The following WWOX variants were observed in gnomAD, a reference collection of about 807,000 sequenced individuals.
WWOX encodes the protein WW domain containing oxidoreductase.
In WWOX, 69 loss-of-function variants were observed where a neutral mutation model predicts 46.2. That is an observed-to-expected ratio of 1.49 (90% CI 1.23 to 1.82). WWOX has a LOEUF of 1.82. WWOX is among the 40% of genes most tolerant of loss of function. The probability of loss-of-function intolerance (pLI) is 0.00; values close to 1 mark genes in which losing one functional copy is unlikely to be tolerated. For missense variants in WWOX, 919 were observed against 542.6 expected (o/e 1.69, Z -6.89); for synonymous variants, 359 against 202.6 (o/e 1.77, Z -6.56).
intron 8 of WWOX, among the ~76,000 whole-genome samples, chr16:79,132,355 G>A (rs963033384): frequency 6.6e-6 from 1 of 152,128 alleles, no homozygotes; most frequent in Non-Finnish European, 1.5e-5. Flanking sequence ...ACTTCCGGTT[G>A]GTGGATTTTG....
intron 8 of WWOX, among the ~76,000 whole-genome samples, chr16:78,667,328 G>A (rs938702917): frequency 6.6e-6 from 1 of 152,060 alleles, no homozygotes; most frequent in African/African-American, 2.4e-5. Flanking sequence ...TATTGAATGG[G>A]TTATCTCAAT....
chr16:78,712,860 C>T (rs929743965), intron 8 of WWOX, among the ~76,000 whole-genome samples: 2 of 151,954 alleles, frequency 1.3e-5, no homozygotes, highest in Admixed American at 6.6e-5. Context: ...TTATTGTTGG[C>T]CGACTGTGGG....
chr16:78,878,351 T>C (rs2044274976), intron 8 of WWOX, among the ~76,000 whole-genome samples: 1 of 152,172 alleles, frequency 6.6e-6, no homozygotes, highest in Non-Finnish European at 1.5e-5. Flanking sequence ...CTGGGTTCAA[T>C]TCCTGCCCCT....
At chr16:79,143,965 C>T (rs1015801779) in intron 8 of WWOX, among the ~76,000 whole-genome samples, 5 of 152,158 alleles carry the variant, frequency 3.3e-5, no homozygotes, top group African/African-American at 4.8e-5. Context: ...AGTGCAGTGG[C>T]ACAGTCATAG....
At chr16:78,839,227 G>A (rs1597701504) in intron 8 of WWOX, among the ~76,000 whole-genome samples, 2 of 152,134 alleles carry the variant, frequency 1.3e-5, no homozygotes, top group Admixed American at 1.3e-4. Flanking sequence ...CCCAGAGAGA[G>A]TCACCTGCTC....
intron 8 of WWOX, among the ~76,000 whole-genome samples, chr16:78,908,539 C>CG (rs2045026204): frequency 4.6e-5 from 1 of 21,870 alleles, no homozygotes; most frequent in East Asian, 5.4e-3. Flanking sequence ...AACTCTGTCT[C>CG]GGAAAAAAAA....
intron 8 of WWOX, among the ~76,000 whole-genome samples, chr16:78,561,526 A>C (rs2151558698): frequency 6.6e-6 from 1 of 152,310 alleles, no homozygotes; most frequent in East Asian, 1.9e-4. Flanking sequence ...ATGCATGCGT[A>C]CACCATGGAC....
chr16:79,198,160 A>C (rs145125843), intron 8 of WWOX, among the ~76,000 whole-genome samples: 2,694 of 146,292 alleles, frequency 0.018, 88 homozygotes, highest in African/African-American at 0.069. Context: ...CCCCGTCTCT[A>C]CTAAAAAAAA....
rs1368647185 is a variant in WWOX, at chr16:78,349,130, C to T, written c.517-37730C>T. On this transcript the variant is annotated intron_variant, in intron 5 of 8. Coordinates refer to ENST00000566780, the MANE Select transcript of WWOX (RefSeq NM_016373.4). The stretch of plus-strand genomic sequence containing the variant: ...TGATGTCTTCTGAGGTCTACCTCGT[C>T]TGCTTGCAGACAGCCGCCTTCCCAC... Among the ~76,000 whole-genome samples, 4 of 120,984 alleles carry T rather than the reference C, an allele frequency of 3.3e-5. 1 individual carries two copies. The highest frequency in any genetic ancestry group is 1.9e-4 in the East Asian group (1 of 5,152). 79.4% of individuals were successfully genotyped at this position (120,984 alleles called of 152,430 possible). A position where few individuals can be genotyped will look rare whatever the true frequency, so the allele number is the denominator to read the frequency against.
chr16:78,263,353 C>T (rs543360929), intron 5 of WWOX, among the ~76,000 whole-genome samples: 6 of 152,304 alleles, frequency 3.9e-5, no homozygotes, highest in African/African-American at 1.4e-4. Flanking sequence ...AGGCCATCTC[C>T]GATTGGTCCA....
chr16:79,212,072 T>C lies in WWOX; in HGVS notation c.*276T>C. On this transcript the variant is annotated 3_prime_UTR_variant, in exon 9 of 9. Coordinates refer to ENST00000566780, the MANE Select transcript of WWOX (RefSeq NM_016373.4). The stretch of plus-strand genomic sequence containing the variant: ...AGTAAAAACCTGCTTGGTGTGTAGG[T>C]TCCGTATCTCCCTGGAGAAGCACCA... 1.3e-6 allele frequency: 2 copies of C among 1,536,414 alleles called. No individual in the cohort carries two copies. Among genetic ancestry groups the C allele is most frequent in the Non-Finnish European group, 1.7e-6 (2 of 1,146,906 alleles).
chr16:78,996,810 C>A (rs1471608838), intron 8 of WWOX, among the ~76,000 whole-genome samples: 1 of 152,200 alleles, frequency 6.6e-6, no homozygotes, highest in African/African-American at 2.4e-5. Flanking sequence ...AAAGTAGGCA[C>A]TGTTTATAGA....
intron 8 of WWOX, among the ~76,000 whole-genome samples, chr16:78,983,325 G>A (rs781247925): frequency 4.6e-5 from 7 of 152,318 alleles, no homozygotes; most frequent in Admixed American, 2.0e-4. Context: ...GGGCCTCCTC[G>A]TATCTGGTCT....
intron 1 of WWOX, 28 bp downstream of exon 1, chr16:78,099,913 C>CGCACCTGGGACCCT: frequency 6.5e-7 from 1 of 1,550,080 alleles, no homozygotes; most frequent in Non-Finnish European, 8.7e-7. Context: ...GGGCCGCGGA[C>CGCACCTGGGACCCT]GCACCTGGGA....
intron 4 of WWOX, among the ~76,000 whole-genome samples, chr16:78,155,005 C>G (rs1053085565): frequency 3.3e-5 from 5 of 152,164 alleles, no homozygotes; most frequent in Admixed American, 6.5e-5. Context: ...AAGCCCAAAC[C>G]CCACCTCTAG....
chr16:78,647,390 T>G (rs982019074), intron 8 of WWOX, among the ~76,000 whole-genome samples: 1 of 152,176 alleles, frequency 6.6e-6, no homozygotes, highest in Non-Finnish European at 1.5e-5. Flanking sequence ...TGGTTCTCAT[T>G]GCTTCTGTGG....
chr16:79,172,560 A>G (rs1200695407), intron 8 of WWOX, among the ~76,000 whole-genome samples: 1 of 151,914 alleles, frequency 6.6e-6, no homozygotes, highest in Non-Finnish European at 1.5e-5. Flanking sequence ...CAGCATGTCT[A>G]CTCTGGGAAA....
chr16:79,056,643 C>G (rs894963413), intron 8 of WWOX, among the ~76,000 whole-genome samples: 1 of 152,164 alleles, frequency 6.6e-6, no homozygotes, highest in African/African-American at 2.4e-5. Flanking sequence ...TCCCTTCCCC[C>G]TCTTGTCACA....
chr16:78,153,741 C>T (rs1221993803), intron 4 of WWOX, among the ~76,000 whole-genome samples: 3 of 152,070 alleles, frequency 2.0e-5, no homozygotes, highest in Admixed American at 2.0e-4. Context: ...GTATTGTAAG[C>T]CCCAACTCCT....
Sources: gnomAD v4.1 joint callset for allele counts (sites outside exome capture counted in the v4.1 genomes callset) on GRCh38, gnomAD v4.1.1 for gene constraint, MANE v1.5 for transcripts, NCBI Gene and HGNC (gene_info 2026-07-23, HGNC 2026-07-21) for gene names.